The following ITGBL1 variants were observed in gnomAD, a reference collection of about 807,000 sequenced individuals.
ITGBL1 encodes integrin beta-like protein 1.
ITGBL1 carries 51 observed loss-of-function variants against 68.5 expected under a neutral mutation model. That is an observed-to-expected ratio of 0.74 (90% confidence interval 0.59 to 0.94). ITGBL1 has a LOEUF of 0.94. Among genes scored for constraint, ITGBL1 ranks in the 40% least tolerant of loss-of-function variants. The pLI is 0.00. For synonymous variants in ITGBL1, 209 were observed against 227.3 expected, an observed-to-expected ratio of 0.92 and a Z score of 0.72; for missense variants, 649 against 647.4, an observed-to-expected ratio of 1.00 and a Z score of -0.03.
chr13:101,604,905 T>C lies in ITGBL1; in HGVS notation c.1015+6606T>C, dbSNP rs1370661679. 2.2e-3 allele frequency among the ~76,000 whole-genome samples: 92 copies of C among 42,724 alleles called. 2 individuals are homozygous for C. The highest frequency in any genetic ancestry group is 7.0e-3 in the East Asian group (7 of 1,000). 28.0% of individuals were successfully genotyped at this position (42,724 alleles called of 152,430 possible). A position where few individuals can be genotyped will look rare whatever the true frequency, so the allele number is the denominator to read the frequency against. ...ATATATATACACACACACACACATA[T>C]ATATGTGCATATATGTGTGTATATA... On this transcript the variant is annotated intron_variant, in intron 7 of 10. Transcript: ENST00000376180.
chr13:101,686,975 A>G (rs2033768558), intron 7 of ITGBL1, among the ~76,000 whole-genome samples: 1 of 152,152 alleles, frequency 6.6e-6, no homozygotes, highest in Admixed American at 6.6e-5. Flanking sequence ...GTTCTAGTAA[A>G]TTTTAGCTGT....
intron 6 of ITGBL1, among the ~76,000 whole-genome samples, chr13:101,586,439 A>G (rs1033605185): frequency 6.6e-6 from 1 of 152,178 alleles, no homozygotes; most frequent in African/African-American, 2.4e-5. Flanking sequence ...GAAGAAACTC[A>G]TATTTACAGA....
intron 7 of ITGBL1, among the ~76,000 whole-genome samples, chr13:101,616,177 G>A (rs979899014): frequency 6.6e-6 from 1 of 152,166 alleles, no homozygotes; most frequent in South Asian, 2.1e-4. Context: ...GGGTGAGGGA[G>A]GTCTTGAATG....
At chr13:101,697,803 G>A (rs1218469224) in intron 8 of ITGBL1, among the ~76,000 whole-genome samples, 1 of 152,144 alleles carries the variant, frequency 6.6e-6, no homozygotes, top group African/African-American at 2.4e-5. Flanking sequence ...TTTGATGAAT[G>A]CCCTGTATCT....
intron 6 of ITGBL1, among the ~76,000 whole-genome samples, chr13:101,584,429 G>A (rs1226300825): frequency 6.6e-6 from 1 of 152,144 alleles, no homozygotes; most frequent in Non-Finnish European, 1.5e-5. Context: ...TATACATCTT[G>A]CTAAGCTTGA....
Position 101,452,980 on chromosome 13 carries a change from G to T in ITGBL1, c.98+49G>T. The T allele has an allele frequency of 2.0e-6, 3 of 1,492,670 alleles. No individual in the cohort carries two copies. The South Asian group carries it at 3.4e-5, about 17-fold the overall frequency. 92.5% of individuals were successfully genotyped at this position (1,492,670 alleles called of 1,614,324 possible). On this transcript the variant is annotated intron_variant, in intron 1 of 10. Coordinates refer to ENST00000376180, the MANE Select transcript of ITGBL1 (RefSeq NM_004791.3). ...AGTACAGACCTGCCCTGCTTATGTG[G>T]CAGGGCTCAAGCTTGCAGGATGGCT...
chr13:101,582,603 C>A (rs1006107307), intron 5 of ITGBL1, among the ~76,000 whole-genome samples: 4 of 152,130 alleles, frequency 2.6e-5, no homozygotes, highest in Non-Finnish European at 4.4e-5. Context: ...ATCTAGCAAA[C>A]CTTACTTCTT....
chr13:101,646,478 A>G (rs1594951957), intron 7 of ITGBL1, among the ~76,000 whole-genome samples: 1 of 152,258 alleles, frequency 6.6e-6, no homozygotes, highest in East Asian at 1.9e-4. Flanking sequence ...GAAATATGAA[A>G]CTTTTTTACT....
intron 7 of ITGBL1, among the ~76,000 whole-genome samples, chr13:101,610,300 C>T (rs1324201150): frequency 2.0e-5 from 3 of 152,090 alleles, no homozygotes; most frequent in Admixed American, 6.6e-5. Context: ...AACAGATGTT[C>T]TTTCTAATAG....
At chr13:101,481,392 G>A (rs534084483) in intron 2 of ITGBL1, among the ~76,000 whole-genome samples, 1 of 151,960 alleles carries the variant, frequency 6.6e-6, no homozygotes, top group Non-Finnish European at 1.5e-5. Context: ...TTTGTGGGTG[G>A]CTATAGGAAG....
intron 7 of ITGBL1, among the ~76,000 whole-genome samples, chr13:101,647,250 A>G (rs903339886): frequency 6.6e-6 from 1 of 152,238 alleles, no homozygotes; most frequent in Non-Finnish European, 1.5e-5. Context: ...ACCTCAAGCA[A>G]GTAATTCAGT....
At chr13:101,548,768 AT>A (rs1391979730) in intron 2 of ITGBL1, among the ~76,000 whole-genome samples, 13 of 151,880 alleles carry the variant, frequency 8.6e-5, no homozygotes, top group Non-Finnish European at 1.9e-4. Context: ...ATAAGAGAAT[AT>A]AGTAGACAAT....
chr13:101,552,472 C>T (rs1341879867), intron 2 of ITGBL1, among the ~76,000 whole-genome samples: 4 of 152,138 alleles, frequency 2.6e-5, no homozygotes, highest in Non-Finnish European at 5.9e-5. Flanking sequence ...CTTTAGTCTC[C>T]ATGCCAAATG....
At chr13:101,706,696 T>A in intron 8 of ITGBL1, 60 bp from the exon 9 acceptor site, 1 of 1,543,314 alleles carries the variant, frequency 6.5e-7, no homozygotes, top group Non-Finnish European at 8.8e-7. Context: ...TTCTTAAAAC[T>A]CTCTGCTTCA....
Position 101,581,832 on chromosome 13 carries a change from A to C in ITGBL1, c.728-1384A>C, listed in dbSNP as rs117020685. Reference sequence around the variant, plus strand: ...TCTGAATAATAACACAGATATAAAAAGTACATATTGCAAAATCGCTACCCA... The same window carrying C: ...TCTGAATAATAACACAGATATAAAACGTACATATTGCAAAATCGCTACCCA... On this transcript the variant is annotated intron_variant, in intron 5 of 10. Coordinates refer to ENST00000376180, the MANE Select transcript of ITGBL1 (RefSeq NM_004791.3). 4.5e-3 allele frequency among the ~76,000 whole-genome samples: 691 copies of C among 152,354 alleles called. 1 individual carries two copies. The highest frequency in any genetic ancestry group is 6.4e-3 in the Non-Finnish European group (435 of 68,036).
At chr13:101,644,641 T>C (rs2032501555) in intron 7 of ITGBL1, among the ~76,000 whole-genome samples, 1 of 152,230 alleles carries the variant, frequency 6.6e-6, no homozygotes, top group Admixed American at 6.5e-5. Context: ...AGCAAAGTCA[T>C]CCTTATATTT....
intron 2 of ITGBL1, among the ~76,000 whole-genome samples, chr13:101,483,746 A>G (rs1446460972): frequency 6.6e-6 from 1 of 152,168 alleles, no homozygotes; most frequent in African/African-American, 2.4e-5. Context: ...TCCTTATTTT[A>G]CTATCTTACC....
intron 7 of ITGBL1, among the ~76,000 whole-genome samples, chr13:101,660,745 G>A (rs1015576858): frequency 1.3e-5 from 2 of 152,186 alleles, no homozygotes; most frequent in African/African-American, 4.8e-5. Flanking sequence ...AAGCAAGATG[G>A]ACTCAACCAT....
chr13:101,707,565 C>T lies in ITGBL1; in HGVS notation c.1279+663C>T, dbSNP rs560196800. 1.7e-3 allele frequency among the ~76,000 whole-genome samples: 265 copies of T among 152,166 alleles called. 1 individual carries two copies. The highest frequency in any genetic ancestry group is 6.2e-3 in the African/African-American group (259 of 41,504). Reference sequence around the variant, plus strand: ...GAAAATAGGTAATTGTTCGGTTGGGCACCGTGGCCCATGCCTGTAATTCTA... The same window carrying T: ...GAAAATAGGTAATTGTTCGGTTGGGTACCGTGGCCCATGCCTGTAATTCTA... On this transcript the variant is annotated intron_variant, in intron 9 of 10. Transcript: ENST00000376180.
Sources: allele counts gnomAD v4.1 joint callset (sites outside exome capture counted in the v4.1 genomes callset), GRCh38; gene constraint gnomAD v4.1.1; transcripts MANE v1.5; gene names NCBI Gene and HGNC (gene_info 2026-07-23, HGNC 2026-07-21).